The following DYNC1H1 variants were observed in gnomAD, a reference collection of about 807,000 sequenced individuals.
DYNC1H1 encodes the protein dynein cytoplasmic 1 heavy chain 1.
A neutral mutation model predicts 527.1 loss-of-function variants in DYNC1H1; 51 were observed. The observed-to-expected ratio is 0.10, with a 90% CI of 0.08 to 0.12. The LOEUF is 0.12. Ranked by LOEUF, DYNC1H1 falls within the 10% of genes least tolerant of loss-of-function variation. DYNC1H1 has a pLI of 1.00. For synonymous variants in DYNC1H1, 2,189 were observed against 2,278.8 expected, an observed-to-expected ratio of 0.96 and a Z score of 1.12; for missense variants, 2,771 against 5,971.8, an observed-to-expected ratio of 0.46 and a Z score of 17.66.
chr14:102,033,876 C>T lies in DYNC1H1; in HGVS notation c.10414-100C>T, dbSNP rs189574477. 64 of 1,381,460 alleles carry T rather than the reference C, an allele frequency of 4.6e-5. No individual in the cohort carries two copies. In the East Asian group the frequency reaches 1.2e-3, roughly 25 times the overall value. The allele number at this position is 1,381,460 out of a possible 1,614,324, so 85.6% of individuals were successfully genotyped here. A position where few individuals can be genotyped will look rare whatever the true frequency, so the allele number is the denominator to read the frequency against. On this transcript the variant is annotated intron_variant, in intron 54 of 77. Coordinates refer to ENST00000360184, the MANE Select transcript of DYNC1H1 (RefSeq NM_001376.5). The surrounding 1 kb of genome is among the most constrained non-coding windows in gnomAD (Gnocchi z 5.6). ...ACAACTTGGGCACGTTTCTAACCCA[C>T]CCAAAACCCTGCACATAATGTGGAT...
At position 102,027,162 on chromosome 14, in the gene DYNC1H1, G is replaced by T. The variant is rs368192451; in HGVS notation, c.8772-12G>T. On this transcript the variant is annotated splice_polypyrimidine_tract_variant and intron_variant, in intron 44 of 77. Coordinates refer to ENST00000360184, the MANE Select transcript of DYNC1H1 (RefSeq NM_001376.5). This position sits in a 1 kb window ranked among gnomAD's most constrained non-coding sequence, Gnocchi z 7.7. ...TAAGCCTTAACATTGATCAGTTCTC[G>T]TAATGTTTCAGAATATTCCGTCAAC... is the stretch of plus-strand genomic sequence containing the variant. 3.1e-6 allele frequency: 5 copies of T among 1,612,968 alleles called. No individual in the cohort carries two copies. The highest frequency in any genetic ancestry group is 4.2e-6 in the Non-Finnish European group (5 of 1,179,110).
chr14:101,999,281 T>G (rs76145145), intron 16 of DYNC1H1, among the ~76,000 whole-genome samples: 2,299 of 152,104 alleles, frequency 0.015, 64 homozygotes, highest in African/African-American at 0.053. Context: ...GGATCAAGCG[T>G]TGTAGCTGGG....
At position 101,970,486 on chromosome 14, in the gene DYNC1H1, T is replaced by G. The variant is rs961684650; in HGVS notation, c.257-5226T>G. ...TGGTTTGTTGTTGTTTTTTTTTTTT[T>G]TTTTTTTTTTTTTTGAGATGGCGTC... On this transcript the variant is annotated intron_variant, in intron 1 of 77. Coordinates refer to ENST00000360184, the MANE Select transcript of DYNC1H1 (RefSeq NM_001376.5). Among the ~76,000 whole-genome samples, 53 of 124,660 alleles carry G rather than the reference T, an allele frequency of 4.3e-4. 1 individual carries two copies. Among genetic ancestry groups the G allele is most frequent in the South Asian group, 1.1e-3 (4 of 3,536 alleles). The allele number at this position is 124,660 out of a possible 152,430, so 81.8% of individuals were successfully genotyped here.
intron 1 of DYNC1H1, among the ~76,000 whole-genome samples, chr14:101,974,906 G>A (rs1240588363): frequency 6.6e-6 from 1 of 152,224 alleles, no homozygotes; most frequent in African/African-American, 2.4e-5. Context: ...TGCCTTCCAA[G>A]AGCTCACAGC....
At position 101,965,981 on chromosome 14, in the gene DYNC1H1, C is replaced by T. The variant is rs1430989797; in HGVS notation, c.256+1034C>T. 6.6e-6 allele frequency among the ~76,000 whole-genome samples: 1 copy of T among 152,156 alleles called. No homozygotes were observed. The highest frequency in any genetic ancestry group is 1.5e-5 in the Non-Finnish European group (1 of 68,042). On this transcript the variant is annotated intron_variant, in intron 1 of 77. Transcript: ENST00000360184. This position sits in a 1 kb window ranked among gnomAD's most constrained non-coding sequence, Gnocchi z 4.1. The stretch of plus-strand genomic sequence containing the variant: ...GGCTTTCTCATGGATTCATTACAAC[C>T]ACTTTGTAGCCCATTACAACCACTT...
At position 102,055,345 on chromosome 14, in the gene DYNC1H1, C is replaced by CA. The variant is rs1157400951; in HGVS notation, c.*4785dup. 1 of 152,074 alleles carries CA rather than the reference C, an allele frequency of 6.6e-6. No homozygotes were observed. The highest frequency in any genetic ancestry group is 1.5e-5 in the Non-Finnish European group (1 of 68,060). 9.4% of individuals were successfully genotyped at this position (152,074 alleles called of 1,614,324 possible). A position where few individuals can be genotyped will look rare whatever the true frequency, so the allele number is the denominator to read the frequency against. ...GACCGAGAGCGCGTGGCTGTGTCTA[C>CA]AAAGGCCTCCTCTTTGAGGGAGACA... On this transcript the variant is annotated 3_prime_UTR_variant, in exon 78 of 78. Transcript: ENST00000360184.
At chr14:102,026,460 CT>C (rs2048452399) in intron 43 of DYNC1H1, 113 bp from the exon 44 acceptor site, 4 of 1,196,400 alleles carry the variant, frequency 3.3e-6, no homozygotes, top group African/African-American at 1.5e-5. Flanking sequence ...TAAATGATAC[CT>C]TTTTTGTTGC....
chr14:101,987,655 A>G (rs1320590019), intron 9 of DYNC1H1, 23 bp downstream of exon 9: 2 of 1,613,704 alleles, frequency 1.2e-6, no homozygotes, highest in Non-Finnish European at 1.7e-6. Flanking sequence ...ATTTGCTAGC[A>G]TTTTCCTCCT....
chr14:101,971,510 T>C (rs1007671758), intron 1 of DYNC1H1, among the ~76,000 whole-genome samples: 1 of 152,178 alleles, frequency 6.6e-6, no homozygotes, highest in Admixed American at 6.5e-5. Context: ...GCAGATCACT[T>C]GAGCTCAGGA....
chr14:102,042,217 C>A lies in DYNC1H1; in HGVS notation c.12215-11C>A. Reference sequence around the variant, plus strand: ...GGCTGCCGCTGCTAACACTAAGTTTCCCTGCACCAGGCTCTGCAGAAGGCT... The same window carrying A: ...GGCTGCCGCTGCTAACACTAAGTTTACCTGCACCAGGCTCTGCAGAAGGCT... On this transcript the variant is annotated splice_polypyrimidine_tract_variant and intron_variant, in intron 66 of 77. Transcript: ENST00000360184. The surrounding 1 kb of genome is among the most constrained non-coding windows in gnomAD (Gnocchi z 5.7). 6.2e-7 allele frequency: 1 copy of A among 1,614,036 alleles called. No homozygotes were observed. Among genetic ancestry groups the A allele is most frequent in the Non-Finnish European group, 8.5e-7 (1 of 1,180,030 alleles).
Position 102,019,796 on chromosome 14 carries a change from C to A in DYNC1H1, c.8344-97C>A. 6 of 1,487,082 alleles carry A rather than the reference C, an allele frequency of 4.0e-6. No homozygotes were observed. The South Asian group carries it at 6.8e-5, about 17-fold the overall frequency. The allele number at this position is 1,487,082 out of a possible 1,614,324, so 92.1% of individuals were successfully genotyped here. A position where few individuals can be genotyped will look rare whatever the true frequency, so the allele number is the denominator to read the frequency against. On this transcript the variant is annotated intron_variant, in intron 41 of 77. Coordinates refer to ENST00000360184, the MANE Select transcript of DYNC1H1 (RefSeq NM_001376.5). ...TCTTAAATATTTCAGGGTCTAGGTT[C>A]TTTAATGTAAACATGTTTTGCCACA...
At chr14:102,048,178 C>A in intron 73 of DYNC1H1, 150 bp downstream of exon 73, 1 of 1,059,682 alleles carries the variant, frequency 9.4e-7, no homozygotes, top group Non-Finnish European at 1.4e-6. Flanking sequence ...CCAGCTGAGC[C>A]CAGGCATTGG....
intron 73 of DYNC1H1, 116 bp downstream of exon 73, chr14:102,048,144 C>A: frequency 7.6e-7 from 1 of 1,318,794 alleles, no homozygotes; most frequent in Non-Finnish European, 1.0e-6. Flanking sequence ...CGTACTCACA[C>A]CGGTGTCACC....
rs764920648 is a variant in DYNC1H1 at position 102,050,192 on chromosome 14, C to T, written c.13806C>T (p.Ala4602=). 3 of 1,614,054 alleles carry T rather than the reference C, an allele frequency of 1.9e-6. No individual in the cohort carries two copies. Among genetic ancestry groups the T allele is most frequent in the South Asian group, 2.2e-5 (2 of 91,070 alleles). The change falls in exon 77 of 78, where the codon GCC becomes GCT. Residue 4602 remains alanine (A), a synonymous_variant. Transcript: ENST00000360184. ...AGCAGACAAACACCGAGAAGAAGGC[C>T]AGTGTGGTAAGGAGGCACTGCCTTT... ...WVKQTNTEKK[A]SVVTLPVYLN...
chr14:101,966,283 T>G (rs879493535), intron 1 of DYNC1H1, among the ~76,000 whole-genome samples: 3 of 152,184 alleles, frequency 2.0e-5, no homozygotes, highest in Admixed American at 6.5e-5. Flanking sequence ...GAATATTTTT[T>G]TCTTATATCC....
intron 1 of DYNC1H1, among the ~76,000 whole-genome samples, chr14:101,973,498 G>A (rs772816233): frequency 2.0e-5 from 3 of 152,016 alleles, no homozygotes; most frequent in Non-Finnish European, 4.4e-5. Flanking sequence ...TGTGAATTTT[G>A]TATTTGTCTC....
intron 1 of DYNC1H1, among the ~76,000 whole-genome samples, chr14:101,973,677 G>C (rs983008564): frequency 6.6e-6 from 1 of 152,104 alleles, no homozygotes; most frequent in Non-Finnish European, 1.5e-5. Context: ...GGTGGCATGA[G>C]CGTGGGGTCC....
At chr14:102,004,104 C>T (rs779148919) in intron 23 of DYNC1H1, among the ~76,000 whole-genome samples, 6 of 151,494 alleles carry the variant, frequency 4.0e-5, no homozygotes, top group South Asian at 2.1e-4. Flanking sequence ...ATTAGCCGGG[C>T]GTGGTGGTGG....
At chr14:102,047,085 G>A (rs2048729580) in intron 72 of DYNC1H1, among the ~76,000 whole-genome samples, 1 of 140,674 alleles carries the variant, frequency 7.1e-6, no homozygotes, top group Non-Finnish European at 1.6e-5. Flanking sequence ...GTGAGCCACT[G>A]TGGCTGTCTT....
Sources: gnomAD v4.1 joint callset for allele counts (sites outside exome capture counted in the v4.1 genomes callset) on GRCh38, gnomAD v4.1.1 for gene constraint, Gnocchi (gnomAD v3.1) non-coding constraint, MANE v1.5 for transcripts, NCBI Gene and HGNC (gene_info 2026-07-23, HGNC 2026-07-21) for gene names.